Variants in XKR6 observed in about 807,000 individuals in gnomAD.
XKR6 encodes the protein XK related 6, also known as XK-related protein 6.
A neutral mutation model predicts 56.7 loss-of-function variants in XKR6; 22 were observed. The ratio of observed to expected loss-of-function variants is 0.39; its 90% CI spans 0.28 to 0.55. The LOEUF (loss-of-function observed/expected upper bound fraction) is 0.55, where lower values mean the gene tolerates loss of function less well. Ranked by LOEUF, XKR6 falls within the 20% of genes least tolerant of loss-of-function variation. XKR6 has a pLI of 0.66. For missense variants in XKR6, 852 were observed against 889.0 expected, an observed-to-expected ratio of 0.96 and a Z score of 0.53; for synonymous variants, 524 against 387.8, an observed-to-expected ratio of 1.35 and a Z score of -4.13.
At chr8:11,092,904 G>A (rs1421590405) in intron 1 of XKR6, among the ~76,000 whole-genome samples, 2 of 152,198 alleles carry the variant, frequency 1.3e-5, no homozygotes, top group Admixed American at 6.5e-5. Flanking sequence ...GAGGGCCAAG[G>A]AGACCTGGAG....
intron 1 of XKR6, among the ~76,000 whole-genome samples, chr8:11,086,204 T>G (rs968475304): frequency 4.6e-5 from 7 of 151,636 alleles, no homozygotes; most frequent in African/African-American, 1.7e-4. Flanking sequence ...TTCTTGCTAA[T>G]GCATCAACTC....
intron 2 of XKR6, 54 bp downstream of exon 2, chr8:10,924,580 G>T (rs560132179): frequency 1.3e-6 from 2 of 1,558,840 alleles, no homozygotes; most frequent in African/African-American, 2.7e-5. Flanking sequence ...GGCGGCCGTG[G>T]TCCCCAGGTG....
At chr8:10,969,607 C>A (rs559056872) in intron 1 of XKR6, among the ~76,000 whole-genome samples, 1 of 152,296 alleles carries the variant, frequency 6.6e-6, no homozygotes, top group African/African-American at 2.4e-5. Flanking sequence ...AACAGAATCA[C>A]GGGCTGGTGG....
At chr8:11,124,010 C>G in intron 1 of XKR6, 1 of 456,144 alleles carries the variant, frequency 2.2e-6, no homozygotes, top group Non-Finnish European at 4.4e-6. Context: ...ACAGTCCTGT[C>G]TCTTCATCAA....
chr8:11,173,986 C>T (rs1250470361), intron 1 of XKR6, among the ~76,000 whole-genome samples: 1 of 152,194 alleles, frequency 6.6e-6, no homozygotes, highest in African/African-American at 2.4e-5. Context: ...AGTACTTTCA[C>T]AATTTATTCT....
At chr8:11,028,152 G>A (rs61553933) in intron 1 of XKR6, among the ~76,000 whole-genome samples, 2 of 152,130 alleles carry the variant, frequency 1.3e-5, no homozygotes, top group East Asian at 1.9e-4. Context: ...GGCAACCACC[G>A]AGATATTTAC....
chr8:10,969,892 C>T (rs1168874008), intron 1 of XKR6, among the ~76,000 whole-genome samples: 1 of 152,222 alleles, frequency 6.6e-6, no homozygotes, highest in Non-Finnish European at 1.5e-5. Context: ...TGCTGCCGTC[C>T]CGCCTCTCAC....
At chr8:11,020,073 AT>A (rs1798715943) in intron 1 of XKR6, among the ~76,000 whole-genome samples, 1 of 152,154 alleles carries the variant, frequency 6.6e-6, no homozygotes, top group Non-Finnish European at 1.5e-5. Flanking sequence ...TGGTGGCCTC[AT>A]CCCCACCCAC....
intron 1 of XKR6, among the ~76,000 whole-genome samples, chr8:11,051,842 A>AAACCC (rs1799557052): frequency 6.6e-6 from 1 of 152,192 alleles, no homozygotes. Context: ...AAACAAAAAA[A>AAACCC]AACCCAAACA....
At position 11,193,745 on chromosome 8, in the gene XKR6, C is replaced by A. The variant is rs905298862; in HGVS notation, c.764+6831G>T. ...GGTAATTTTAAGGTTCTGACCCCCC[C>A]CCCCCCACAAAAGAAATTAACCTTG... On this transcript the variant is annotated intron_variant, in intron 1 of 2. Coordinates refer to ENST00000416569, the MANE Select transcript of XKR6 (RefSeq NM_173683.4). 7.3e-5 allele frequency among the ~76,000 whole-genome samples: 10 copies of A among 137,372 alleles called. No homozygotes were observed. In the East Asian group the frequency reaches 1.1e-3, roughly 15 times the overall value. The allele number at this position is 137,372 out of a possible 152,430, so 90.1% of individuals were successfully genotyped here. A position where few individuals can be genotyped will look rare whatever the true frequency, so the allele number is the denominator to read the frequency against.
intron 1 of XKR6, among the ~76,000 whole-genome samples, chr8:11,047,261 T>C (rs1215238910): frequency 6.6e-6 from 1 of 152,216 alleles, no homozygotes; most frequent in East Asian, 1.9e-4. Context: ...AGTACACCAT[T>C]AATACATAGT....
intron 1 of XKR6, among the ~76,000 whole-genome samples, chr8:11,118,514 A>G (rs1230966027): frequency 1.3e-5 from 2 of 152,274 alleles, no homozygotes; most frequent in East Asian, 3.9e-4. Context: ...CAGAGATTCA[A>G]CTTCTTCCTG....
chr8:10,957,007 G>A (rs565990455), intron 1 of XKR6, among the ~76,000 whole-genome samples: 15 of 152,230 alleles, frequency 9.9e-5, no homozygotes, highest in Admixed American at 4.6e-4. Flanking sequence ...CTTGAGTGCA[G>A]TGGTGTGATC....
At chr8:11,188,376 T>C (rs1803383555) in intron 1 of XKR6, among the ~76,000 whole-genome samples, 1 of 152,196 alleles carries the variant, frequency 6.6e-6, no homozygotes, top group African/African-American at 2.4e-5. Context: ...CACATTCAAA[T>C]TCTGTTTTTC....
chr8:11,107,829 G>C (rs1798736948), intron 1 of XKR6: 1 of 158,796 alleles, frequency 6.3e-6, no homozygotes, highest in African/African-American at 2.4e-5. Context: ...TAAAAGATCT[G>C]TTTTACAAGG....
intron 1 of XKR6, among the ~76,000 whole-genome samples, chr8:11,195,851 A>G (rs1803856649): frequency 6.6e-6 from 1 of 150,546 alleles, no homozygotes; most frequent in Non-Finnish European, 1.5e-5. Context: ...ATGGGGTTTC[A>G]CCATGTTAGC....
chr8:11,137,609 C>A (rs1362325398), intron 1 of XKR6: 1 of 456,200 alleles, frequency 2.2e-6, no homozygotes, highest in Non-Finnish European at 4.4e-6. Context: ...CTCTTCTACA[C>A]CAAATGAACT....
At chr8:11,112,157 A>G (rs1460232777) in intron 1 of XKR6, among the ~76,000 whole-genome samples, 2 of 152,212 alleles carry the variant, frequency 1.3e-5, no homozygotes, top group African/African-American at 4.8e-5. Flanking sequence ...CCACATTCAT[A>G]ATTTGAGCCT....
At chr8:11,115,605 C>G (rs1164472127) in intron 1 of XKR6, among the ~76,000 whole-genome samples, 1 of 150,804 alleles carries the variant, frequency 6.6e-6, no homozygotes, top group Non-Finnish European at 1.5e-5. Context: ...ATACCAATGA[C>G]ATTTTTTAAT....
Sources: allele counts gnomAD v4.1 joint callset (sites outside exome capture counted in the v4.1 genomes callset), GRCh38; gene constraint gnomAD v4.1.1; transcripts MANE v1.5; gene names NCBI Gene and HGNC (gene_info 2026-07-23, HGNC 2026-07-21).